Variants in NFASC observed in about 807,000 individuals in gnomAD.
NFASC encodes neurofascin homolog.
In NFASC, 43 loss-of-function variants were observed where a neutral mutation model predicts 147.5. The observed-to-expected ratio is 0.29, with a 90% confidence interval of 0.23 to 0.38. The LOEUF (loss-of-function observed/expected upper bound fraction) is 0.38, where lower values mean the gene tolerates loss of function less well. Ranked by LOEUF, NFASC falls within the 10% of genes least tolerant of loss-of-function variation. The probability of loss-of-function intolerance (pLI) is 1.00; values close to 1 mark genes in which losing one functional copy is unlikely to be tolerated. For missense variants in NFASC, 1,320 were observed against 1,689.0 expected (o/e 0.78, Z 3.83); for synonymous variants, 622 against 665.5 (o/e 0.93, Z 1.01).
At chr1:204,846,290 A>G (rs904848136) in intron 1 of NFASC, among the ~76,000 whole-genome samples, 9 of 152,114 alleles carry the variant, frequency 5.9e-5, no homozygotes, top group African/African-American at 1.9e-4. Context: ...GTTATGTTTC[A>G]GAGTAGGGAA....
At chr1:205,004,745 A>G (rs980672589) in intron 27 of NFASC, among the ~76,000 whole-genome samples, 2 of 146,522 alleles carry the variant, frequency 1.4e-5, no homozygotes, top group Non-Finnish European at 3.1e-5. Flanking sequence ...GGCCCTGACC[A>G]CTGGTCACTT....
chr1:204,883,569 G>C (rs73077691), intron 1 of NFASC, among the ~76,000 whole-genome samples: 188 of 152,370 alleles, frequency 1.2e-3, no homozygotes, highest in African/African-American at 4.4e-3. Flanking sequence ...CAGCTCACCA[G>C]CTTGCAGTCC....
chr1:204,984,369 G>GTGTATA (rs1553306565), intron 21 of NFASC: 17 of 179,452 alleles, frequency 9.5e-5, no homozygotes, highest in African/African-American at 4.6e-4. Context: ...GTGTGTGTGT[G>GTGTATA]TATATATATA....
chr1:205,016,248 G>A lies in NFASC; in HGVS notation c.3492-60G>A. The A allele has an allele frequency of 8.4e-7, 1 of 1,190,296 alleles. No individual in the cohort carries two copies. Among genetic ancestry groups the A allele is most frequent in the Non-Finnish European group, 1.3e-6 (1 of 798,304 alleles). 73.7% of individuals were successfully genotyped at this position (1,190,296 alleles called of 1,614,324 possible). A position where few individuals can be genotyped will look rare whatever the true frequency, so the allele number is the denominator to read the frequency against. On this transcript the variant is annotated intron_variant, in intron 29 of 29. Coordinates refer to ENST00000339876, the MANE Select transcript of NFASC (RefSeq NM_001005388.3). The surrounding 1 kb of genome is among the most constrained non-coding windows in gnomAD (Gnocchi z 5.1). ...CTCTGAGCTGTGTAGGGCATGTGCT[G>A]GCAGGAGGCCAGCTGCCCCATCTCA...
At chr1:204,856,382 G>GTGTGTGT (rs2076157080) in intron 1 of NFASC, among the ~76,000 whole-genome samples, 2 of 139,692 alleles carry the variant, frequency 1.4e-5, no homozygotes, top group Admixed American at 7.2e-5. Context: ...ATGCAGAACA[G>GTGTGTGT]GTGTGTGTGT....
intron 3 of NFASC, chr1:204,946,816 C>T: frequency 2.0e-6 from 1 of 502,078 alleles, no homozygotes; most frequent in South Asian, 1.4e-5. Flanking sequence ...TCTTTTTCGG[C>T]AGACCCCACG....
In NFASC at chr1:205,020,509, AG is replaced by A. The variant is rs906661224; in HGVS notation, c.*3973del. 9.2e-5 allele frequency: 14 copies of A among 152,400 alleles called. No homozygotes were observed. Among genetic ancestry groups the A allele is most frequent in the African/African-American group, 3.4e-4 (14 of 41,580 alleles). The allele number at this position is 152,400 out of a possible 1,614,324, so 9.4% of individuals were successfully genotyped here. Reference sequence around the variant, plus strand: ...CCTTAGAGGAGTGGGAAAGGCCACCAGGGTTGGGCCCTGTTTAGGTAATTCC... The same window carrying A: ...CCTTAGAGGAGTGGGAAAGGCCACCAGGTTGGGCCCTGTTTAGGTAATTCC... On this transcript the variant is annotated 3_prime_UTR_variant, in exon 30 of 30. Transcript: ENST00000339876.
Position 204,952,008 on chromosome 1 carries a change from C to G in NFASC, c.110-3C>G. ...TGACCATGCTCCCTGTGCACTGTTG[C>G]AGTGACGCAGCCGCCAACCATCACC... On this transcript the variant is annotated splice_polypyrimidine_tract_variant and splice_region_variant and intron_variant, in intron 4 of 29. Transcript: ENST00000339876. 6.2e-7 allele frequency: 1 copy of G among 1,613,470 alleles called. No homozygotes were observed. The highest frequency in any genetic ancestry group is 8.5e-7 in the Non-Finnish European group (1 of 1,179,496).
Position 204,944,270 on chromosome 1 carries a change from A to G in NFASC, c.-46A>G, listed in dbSNP as rs745516833. The G allele has an allele frequency of 2.5e-6, 4 of 1,603,092 alleles. No individual in the cohort carries two copies. The highest frequency in any genetic ancestry group is 3.4e-6 in the Non-Finnish European group (4 of 1,175,514). ...CCCAGTTAAAGCGGCTCGAGGTGAC[A>G]AGACCCCGAGTGCTGGGGAGCAGGG... On this transcript the variant is annotated 5_prime_UTR_variant, in exon 3 of 30. Transcript: ENST00000339876.
intron 14 of NFASC, 98 bp downstream of exon 14, chr1:204,974,921 C>A: frequency 7.7e-7 from 1 of 1,306,628 alleles, no homozygotes; most frequent in South Asian, 1.3e-5. Context: ...ATGCACCACA[C>A]CTGTCTTTAA....
At chr1:204,910,906 G>C (rs4611084) in intron 1 of NFASC, among the ~76,000 whole-genome samples, 65,132 of 151,632 alleles carry the variant, frequency 0.43, 14,408 homozygotes, top group Admixed American at 0.54. Flanking sequence ...TTCTTCCTTT[G>C]TGGCCTATAT....
chr1:204,961,636 C>T (rs2094675591), intron 8 of NFASC, among the ~76,000 whole-genome samples: 1 of 152,256 alleles, frequency 6.6e-6, no homozygotes, highest in African/African-American at 2.4e-5. Flanking sequence ...TTAGCTTCTG[C>T]CCAGGCAGCA....
At chr1:204,997,737 C>T (rs1042129554) in intron 25 of NFASC, 2 of 440,912 alleles carry the variant, frequency 4.5e-6, no homozygotes, top group Admixed American at 3.7e-5. Context: ...ATGTTAGGAC[C>T]GCCTCCAGCT....
At chr1:204,842,600 C>T (rs1675677239) in intron 1 of NFASC, among the ~76,000 whole-genome samples, 1 of 152,344 alleles carries the variant, frequency 6.6e-6, no homozygotes, top group Middle Eastern at 3.4e-3. Flanking sequence ...GAAGCCTGGC[C>T]CGTTCTGTGT....
intron 1 of NFASC, among the ~76,000 whole-genome samples, chr1:204,881,588 A>G (rs2080241252): frequency 6.6e-6 from 1 of 152,106 alleles, no homozygotes; most frequent in South Asian, 2.1e-4. Context: ...CTGGTATGAG[A>G]CGGGAGACAC....
At chr1:204,932,698 T>A (rs755683978) in intron 2 of NFASC, among the ~76,000 whole-genome samples, 4 of 152,280 alleles carry the variant, frequency 2.6e-5, no homozygotes, top group Non-Finnish European at 4.4e-5. Flanking sequence ...GAAGGTAAAG[T>A]TCAGTAGTCG....
chr1:204,946,533 C>T lies in NFASC; in HGVS notation c.91+2127C>T, dbSNP rs1369286914. The T allele has an allele frequency of 8.1e-5, 34 of 417,594 alleles. 1 individual carries two copies. Among genetic ancestry groups the T allele is most frequent in the South Asian group, 5.4e-4 (32 of 59,310 alleles). The allele number at this position is 417,594 out of a possible 1,614,324, so 25.9% of individuals were successfully genotyped here. A position where few individuals can be genotyped will look rare whatever the true frequency, so the allele number is the denominator to read the frequency against. On this transcript the variant is annotated intron_variant, in intron 3 of 29. Transcript: ENST00000339876. ...GCTGCAGGTCCAGTGGCCCTGGCAA[C>T]GTGTCCAAAAAGAGTCTGCAGAAAC... is the stretch of plus-strand genomic sequence containing the variant.
intron 2 of NFASC, among the ~76,000 whole-genome samples, chr1:204,930,215 T>C (rs1466073995): frequency 4.6e-5 from 7 of 152,138 alleles, no homozygotes; most frequent in African/African-American, 7.2e-5. Context: ...TAGGGTGACA[T>C]TGAGTGTGGC....
intron 1 of NFASC, among the ~76,000 whole-genome samples, chr1:204,897,779 A>G (rs1201343936): frequency 6.6e-6 from 1 of 151,754 alleles, no homozygotes; most frequent in Non-Finnish European, 1.5e-5. Flanking sequence ...TCTGTCACCC[A>G]GGCTGGAGTG....
Sources: allele counts gnomAD v4.1 joint callset (sites outside exome capture counted in the v4.1 genomes callset), GRCh38; gene constraint gnomAD v4.1.1; non-coding constraint Gnocchi (gnomAD v3.1); transcripts MANE v1.5; gene names NCBI Gene and HGNC (gene_info 2026-07-23, HGNC 2026-07-21).